IGF2BP3: variants seen among roughly 807,000 people sequenced by gnomAD.
IGF2BP3 encodes the protein insulin-like growth factor 2 mRNA-binding protein 3.
A neutral mutation model predicts 73.8 loss-of-function variants in IGF2BP3; 9 were observed. The observed-to-expected ratio is 0.12, with a 90% CI of 0.07 to 0.21. The LOEUF (loss-of-function observed/expected upper bound fraction) is 0.21, where lower values mean the gene tolerates loss of function less well. Ranked by LOEUF, IGF2BP3 falls within the 10% of genes least tolerant of loss-of-function variation. IGF2BP3 has a pLI of 1.00. For missense variants in IGF2BP3, 542 were observed against 714.0 expected, an observed-to-expected ratio of 0.76 and a Z score of 2.75; for synonymous variants, 258 against 256.7, an observed-to-expected ratio of 1.01 and a Z score of -0.05.
chr7:23,390,902 A>C (rs1002139802), intron 3 of IGF2BP3, among the ~76,000 whole-genome samples: 25 of 148,520 alleles, frequency 1.7e-4, no homozygotes, highest in Non-Finnish European at 2.8e-4. Flanking sequence ...GGGTTCAAGC[A>C]ATTCTCCTGC....
chr7:23,366,139 A>C (rs1398044069), intron 3 of IGF2BP3, among the ~76,000 whole-genome samples: 2 of 151,800 alleles, frequency 1.3e-5, no homozygotes, highest in Admixed American at 1.3e-4. Context: ...ACTTCCGTGT[A>C]AATCTTTTTT....
At position 23,470,283 on chromosome 7, in the gene IGF2BP3, C is replaced by T. The variant is rs1788686195; in HGVS notation, c.-173G>A. The T allele has an allele frequency of 9.8e-6, 5 of 509,518 alleles. No individual in the cohort carries two copies. The highest frequency in any genetic ancestry group is 1.7e-5 in the Non-Finnish European group (5 of 291,124). 31.6% of individuals were successfully genotyped at this position (509,518 alleles called of 1,614,324 possible). On this transcript the variant is annotated 5_prime_UTR_variant, in exon 1 of 15. Transcript: ENST00000258729. Reference sequence around the variant, plus strand: ...GAGGAGTGAAAAATCAGATCCGAGGCTTGTTTTTTCCTTGTCTAGATGTGT... The same window carrying T: ...GAGGAGTGAAAAATCAGATCCGAGGTTTGTTTTTTCCTTGTCTAGATGTGT...
At chr7:23,462,899 T>C (rs12534005) in intron 2 of IGF2BP3, among the ~76,000 whole-genome samples, 20,781 of 152,128 alleles carry the variant, frequency 0.14, 1,562 homozygotes, top group African/African-American at 0.19. Flanking sequence ...CACTCAAAAC[T>C]ATGTATGCTT....
intron 2 of IGF2BP3, among the ~76,000 whole-genome samples, chr7:23,420,693 C>T (rs1176971945): frequency 6.6e-6 from 1 of 152,062 alleles, no homozygotes; most frequent in Non-Finnish European, 1.5e-5. Flanking sequence ...TTGATCCCTT[C>T]GAGAACAACA....
rs1242070326 is a variant in IGF2BP3 at position 23,356,845 on chromosome 7, C to CA, written c.401+4688dup. Among the ~76,000 whole-genome samples, 2 of 151,966 alleles carry CA rather than the reference C, an allele frequency of 1.3e-5. 1 individual carries two copies. Among genetic ancestry groups the CA allele is most frequent in the African/African-American group, 4.8e-5 (2 of 41,380 alleles). The stretch of plus-strand genomic sequence containing the variant: ...TTCATGACTAAATTGGTTCTAAAAA[C>CA]AAAACAAAACAAAACGGTATGGGCA... On this transcript the variant is annotated intron_variant, in intron 5 of 14. Transcript: ENST00000258729.
intron 2 of IGF2BP3, among the ~76,000 whole-genome samples, chr7:23,443,483 T>A (rs1020879118): frequency 6.6e-6 from 1 of 151,794 alleles, no homozygotes; most frequent in Non-Finnish European, 1.5e-5. Context: ...CTGGCCAACA[T>A]TGGGAAACCC....
At chr7:23,319,797 A>T (rs942636378) in intron 10 of IGF2BP3, among the ~76,000 whole-genome samples, 1 of 152,228 alleles carries the variant, frequency 6.6e-6, no homozygotes, top group Non-Finnish European at 1.5e-5. Context: ...CTGTCATTCA[A>T]TAGTTATCAC....
At chr7:23,389,443 G>A (rs1234539023) in intron 3 of IGF2BP3, among the ~76,000 whole-genome samples, 1 of 151,946 alleles carries the variant, frequency 6.6e-6, no homozygotes, top group African/African-American at 2.4e-5. Context: ...TTACAGGGGT[G>A]AGCCACCATA....
chr7:23,434,892 T>A (rs1346672191), intron 2 of IGF2BP3, among the ~76,000 whole-genome samples: 1 of 152,188 alleles, frequency 6.6e-6, no homozygotes. Context: ...TTCCCAAATT[T>A]GAACTCAGTC....
intron 2 of IGF2BP3, among the ~76,000 whole-genome samples, chr7:23,463,425 G>A (rs1047440488): frequency 6.6e-6 from 1 of 152,102 alleles, no homozygotes; most frequent in Non-Finnish European, 1.5e-5. Flanking sequence ...AAACAACAGA[G>A]CTACAGAAAA....
rs1049267233 is a variant in IGF2BP3, at chr7:23,418,965, A to G, written c.237-141T>C. Reference sequence around the variant, plus strand: ...AATATCTATTAAGAAAATACAGCCCAAGAAGGAAAAGCAAAGAAGCAAAGT... The same window carrying G: ...AATATCTATTAAGAAAATACAGCCCGAGAAGGAAAAGCAAAGAAGCAAAGT... On this transcript the variant is annotated intron_variant, in intron 2 of 14. Coordinates refer to ENST00000258729, the MANE Select transcript of IGF2BP3 (RefSeq NM_006547.3). 6.9e-6 allele frequency: 4 copies of G among 576,892 alleles called. No individual in the cohort carries two copies. The East Asian group carries it at 8.5e-5, about 12-fold the overall frequency. 35.7% of individuals were successfully genotyped at this position (576,892 alleles called of 1,614,324 possible). A position where few individuals can be genotyped will look rare whatever the true frequency, so the allele number is the denominator to read the frequency against.
At chr7:23,340,889 G>A (rs772933489) in intron 10 of IGF2BP3, among the ~76,000 whole-genome samples, 13 of 139,490 alleles carry the variant, frequency 9.3e-5, no homozygotes, top group South Asian at 4.4e-4. Context: ...TCGCTCTGTC[G>A]CCCAGGCTGG....
chr7:23,372,975 C>T (rs1785604619), intron 3 of IGF2BP3, among the ~76,000 whole-genome samples: 1 of 152,180 alleles, frequency 6.6e-6, no homozygotes, highest in Non-Finnish European at 1.5e-5. Context: ...TCACAGATTC[C>T]AGAGCCCATA....
At chr7:23,349,402 C>G (rs765513641) in intron 6 of IGF2BP3, among the ~76,000 whole-genome samples, 1 of 152,096 alleles carries the variant, frequency 6.6e-6, no homozygotes, top group South Asian at 2.1e-4. Flanking sequence ...CTAAAAATAA[C>G]TAATAAAAAA....
intron 3 of IGF2BP3, among the ~76,000 whole-genome samples, chr7:23,384,128 T>G (rs1251192054): frequency 1.3e-5 from 2 of 149,744 alleles, no homozygotes; most frequent in African/African-American, 4.9e-5. Context: ...AATAAAAGTC[T>G]GGATACAGGC....
chr7:23,357,435 T>C (rs1390554680), intron 5 of IGF2BP3, among the ~76,000 whole-genome samples: 1 of 152,158 alleles, frequency 6.6e-6, no homozygotes, highest in African/African-American at 2.4e-5. Flanking sequence ...TCCTATTCCC[T>C]AACAAAAATA....
chr7:23,370,773 G>A (rs1785518446), intron 3 of IGF2BP3, among the ~76,000 whole-genome samples: 1 of 151,960 alleles, frequency 6.6e-6, no homozygotes, highest in Admixed American at 6.6e-5. Context: ...CACTTCCTGG[G>A]CTCAAGCCAT....
intron 3 of IGF2BP3, among the ~76,000 whole-genome samples, chr7:23,403,973 AT>A (rs545158459): frequency 0.031 from 4,613 of 146,782 alleles, 204 homozygotes; most frequent in African/African-American, 0.1. Context: ...AAAAAAAAAA[AT>A]TTTTTTTTTT....
chr7:23,334,115 C>A (rs994167825), intron 10 of IGF2BP3, among the ~76,000 whole-genome samples: 4 of 152,064 alleles, frequency 2.6e-5, no homozygotes, highest in African/African-American at 7.2e-5. Flanking sequence ...GCGGGCGGAT[C>A]CCTTGAGGTC....
Sources: allele counts gnomAD v4.1 joint callset (sites outside exome capture counted in the v4.1 genomes callset), GRCh38; gene constraint gnomAD v4.1.1; transcripts MANE v1.5; gene names NCBI Gene and HGNC (gene_info 2026-07-23, HGNC 2026-07-21).